The following COL25A1 variants were observed in gnomAD, a reference collection of about 807,000 sequenced individuals.
The protein encoded by COL25A1 is collagen alpha-1(XXV) chain.
Under a neutral mutation model 128.4 loss-of-function variants are expected in COL25A1, and 103 were observed. That is an observed-to-expected ratio of 0.80 (90% CI 0.68 to 0.94). The LOEUF is 0.94. Ranked by LOEUF, COL25A1 falls within the 40% of genes least tolerant of loss-of-function variation. The pLI, the probability that COL25A1 is intolerant of heterozygous loss-of-function variation, is 0.00. For missense variants in COL25A1, 745 were observed against 840.0 expected, an observed-to-expected ratio of 0.89 and a Z score of 1.40; for synonymous variants, 279 against 277.2, an observed-to-expected ratio of 1.01 and a Z score of -0.06.
At chr4:108,820,916 A>G (rs1731713851) in intron 35 of COL25A1, among the ~76,000 whole-genome samples, 1 of 152,174 alleles carries the variant, frequency 6.6e-6, no homozygotes, top group African/African-American at 2.4e-5. Context: ...AGTAGGAAGG[A>G]ATGCACCTCA....
chr4:108,960,031 T>G (rs1369414579), intron 8 of COL25A1, among the ~76,000 whole-genome samples: 1 of 152,110 alleles, frequency 6.6e-6, no homozygotes, highest in Admixed American at 6.6e-5. Context: ...CTGAACTTAT[T>G]TAAAAAGGCA....
chr4:109,224,465 T>C (rs535872557), intron 3 of COL25A1, among the ~76,000 whole-genome samples: 1 of 152,180 alleles, frequency 6.6e-6, no homozygotes, highest in Admixed American at 6.5e-5. Flanking sequence ...CATCTGGGAG[T>C]TTGTCTATAT....
intron 5 of COL25A1, among the ~76,000 whole-genome samples, chr4:109,033,507 C>G (rs1759064708): frequency 6.6e-6 from 1 of 152,156 alleles, no homozygotes; most frequent in Non-Finnish European, 1.5e-5. Flanking sequence ...AGTAATAAAA[C>G]CAAGTTATGG....
chr4:108,868,739 G>T (rs923565807), intron 20 of COL25A1, among the ~76,000 whole-genome samples: 1 of 138,246 alleles, frequency 7.2e-6, no homozygotes, highest in African/African-American at 2.7e-5. Context: ...AAGGGAGGAA[G>T]GAAGGAAGGA....
chr4:108,912,141 T>C (rs1219832405), intron 13 of COL25A1, among the ~76,000 whole-genome samples: 4 of 152,158 alleles, frequency 2.6e-5, no homozygotes, highest in African/African-American at 9.6e-5. Context: ...GTGAAAAATG[T>C]CTTTAAGAGT....
intron 3 of COL25A1, among the ~76,000 whole-genome samples, chr4:109,149,281 C>T (rs1319911561): frequency 6.6e-6 from 1 of 152,104 alleles, no homozygotes; most frequent in Non-Finnish European, 1.5e-5. Context: ...GATCATTTGT[C>T]ATGATTAAAG....
chr4:108,900,982 A>G (rs1742772851), intron 14 of COL25A1, 137 bp downstream of exon 14: 1 of 614,664 alleles, frequency 1.6e-6, no homozygotes, highest in Admixed American at 2.9e-5. Flanking sequence ...GTTCTATACT[A>G]TAGCATATTA....
At chr4:109,073,195 G>A (rs72883483) in intron 3 of COL25A1, among the ~76,000 whole-genome samples, 17,539 of 152,084 alleles carry the variant, frequency 0.12, 1,301 homozygotes, top group African/African-American at 0.21. Context: ...CAGGAGGGGA[G>A]GCATGGTGGA....
At chr4:109,039,899 C>T (rs906381691) in intron 5 of COL25A1, among the ~76,000 whole-genome samples, 10 of 152,138 alleles carry the variant, frequency 6.6e-5, no homozygotes, top group African/African-American at 2.4e-4. Flanking sequence ...GAAATACCTT[C>T]CTTCAAAATT....
chr4:109,004,219 T>C (rs1021461863), intron 6 of COL25A1, among the ~76,000 whole-genome samples: 1 of 152,222 alleles, frequency 6.6e-6, no homozygotes, highest in Admixed American at 6.5e-5. Context: ...TGTTGCCATT[T>C]AGCTTTCTAG....
chr4:109,191,803 T>G (rs887757175), intron 3 of COL25A1, among the ~76,000 whole-genome samples: 1 of 152,222 alleles, frequency 6.6e-6, no homozygotes, highest in Non-Finnish European at 1.5e-5. Context: ...AATGTGAGTT[T>G]CTATTTTACA....
chr4:109,148,548 C>G (rs1046666417), intron 3 of COL25A1, among the ~76,000 whole-genome samples: 2 of 152,192 alleles, frequency 1.3e-5, no homozygotes, highest in Admixed American at 1.3e-4. Flanking sequence ...GAGTCTGTTT[C>G]CTGGTCTCCC....
chr4:108,866,202 T>G (rs551831626), intron 20 of COL25A1, among the ~76,000 whole-genome samples: 1 of 147,938 alleles, frequency 6.8e-6, no homozygotes, highest in African/African-American at 2.5e-5. Flanking sequence ...TTCTTTCTTT[T>G]TTTTTTTTTT....
intron 6 of COL25A1, among the ~76,000 whole-genome samples, chr4:108,974,763 C>T (rs903049375): frequency 2.0e-5 from 3 of 152,094 alleles, no homozygotes; most frequent in Admixed American, 6.5e-5. Context: ...TATACCTGTA[C>T]ATATCATGTC....
chr4:108,892,209 T>A (rs1269344123), intron 16 of COL25A1, among the ~76,000 whole-genome samples: 1 of 152,218 alleles, frequency 6.6e-6, no homozygotes, highest in Non-Finnish European at 1.5e-5. Flanking sequence ...AAGTATACTC[T>A]TAGCTTCATA....
intron 22 of COL25A1, 61 bp downstream of exon 22, chr4:108,862,440 G>A: frequency 7.7e-7 from 1 of 1,302,852 alleles, no homozygotes; most frequent in Admixed American, 1.7e-5. Flanking sequence ...CTGTGGCAAA[G>A]GCAAAAAGCA....
chr4:109,018,607 T>G (rs1757423413), intron 5 of COL25A1, among the ~76,000 whole-genome samples: 1 of 152,196 alleles, frequency 6.6e-6, no homozygotes, highest in Admixed American at 6.5e-5. Context: ...AGATGTATTC[T>G]ACACTTGCAG....
At chr4:109,173,374 A>T (rs1042974652) in intron 3 of COL25A1, among the ~76,000 whole-genome samples, 3 of 152,220 alleles carry the variant, frequency 2.0e-5, no homozygotes, top group Non-Finnish European at 4.4e-5. Context: ...AGGTCAAGGA[A>T]TTCTGATGTC....
At chr4:109,192,102 T>C (rs1322361311) in intron 3 of COL25A1, among the ~76,000 whole-genome samples, 1 of 152,160 alleles carries the variant, frequency 6.6e-6, no homozygotes, top group Non-Finnish European at 1.5e-5. Flanking sequence ...AAATAAAGAA[T>C]CTGCTTGGGA....
Sources: gnomAD v4.1 joint callset for allele counts (sites outside exome capture counted in the v4.1 genomes callset) on GRCh38, gnomAD v4.1.1 for gene constraint, MANE v1.5 for transcripts, NCBI Gene and HGNC (gene_info 2026-07-23, HGNC 2026-07-21) for gene names.